Variants in MDH1B observed in about 807,000 individuals in gnomAD.
The protein encoded by MDH1B is malate dehydrogenase 1B, also known as putative malate dehydrogenase 1B.
MDH1B carries 60 observed loss-of-function variants against 61.4 expected under a neutral mutation model. That is an observed-to-expected ratio of 0.98 (90% confidence interval 0.79 to 1.21). The LOEUF is 1.21. Among genes scored for constraint, MDH1B ranks in the 50% most tolerant of loss-of-function variants. MDH1B has a pLI of 0.00. For synonymous variants in MDH1B, 236 were observed against 218.7 expected (o/e 1.08, Z -0.70); for missense variants, 587 against 632.1 (o/e 0.93, Z 0.76).
chr2:206,758,523 T>C (rs920678424), intron 2 of MDH1B, among the ~76,000 whole-genome samples: 3 of 152,072 alleles, frequency 2.0e-5, no homozygotes, highest in Non-Finnish European at 4.4e-5. Flanking sequence ...CCCAGCACTT[T>C]GGGAGGCCGA....
chr2:206,745,924 G>C (rs1688082350), intron 8 of MDH1B, among the ~76,000 whole-genome samples: 1 of 151,816 alleles, frequency 6.6e-6, no homozygotes, highest in Admixed American at 6.6e-5. Flanking sequence ...AATAGAGACA[G>C]GGTTTCTCCA....
intron 7 of MDH1B, among the ~76,000 whole-genome samples, chr2:206,748,027 G>C (rs1337241346): frequency 6.6e-6 from 1 of 152,196 alleles, no homozygotes; most frequent in South Asian, 2.1e-4. Flanking sequence ...GGGAAGAGAT[G>C]CTTCAGATAG....
rs370228240 is a variant in MDH1B, at chr2:206,738,469, T to C, written c.*14A>G. 388 of 1,553,742 alleles carry C rather than the reference T, an allele frequency of 2.5e-4. 1 individual carries two copies. The highest frequency in any genetic ancestry group is 3.2e-4 in the Non-Finnish European group (363 of 1,136,838). On this transcript the variant is annotated 3_prime_UTR_variant, in exon 12 of 12. Transcript: ENST00000374412. ...TGCTATCAAGTAATTATATATTTCATCCAATTTGATCTGTTAGGATTCCAC... is the reference window on the plus strand; with the variant it reads ...TGCTATCAAGTAATTATATATTTCACCCAATTTGATCTGTTAGGATTCCAC...
intron 1 of MDH1B, among the ~76,000 whole-genome samples, chr2:206,763,241 C>CTTTTTTT (rs58200375): frequency 7.1e-6 from 1 of 141,440 alleles, no homozygotes. Context: ...TACTCATCCG[C>CTTTTTTT]TTTTTTTTTT....
chr2:206,762,901 C>T (rs905684880), intron 1 of MDH1B, among the ~76,000 whole-genome samples: 3 of 152,210 alleles, frequency 2.0e-5, no homozygotes, highest in Admixed American at 1.3e-4. Context: ...TCCTTTCTAT[C>T]CTTTGTAGGT....
Position 206,751,000 on chromosome 2 carries a change from C to T in MDH1B, c.986G>A (p.Arg329Lys), listed in dbSNP as rs61744963. The change falls in exon 6 of 12, where the codon AGA becomes AAA. Residue 329 changes from arginine to lysine, a missense_variant. By Grantham distance (26) the Arg-to-Lys change is conservative (BLOSUM62 2). Coordinates refer to ENST00000374412, the MANE Select transcript of MDH1B (RefSeq NM_001039845.3). ...YVDLRKTRVY[R>K]YESAIWGPLH... Reference sequence around the variant, plus strand: ...AGGTCCCCAAATGGCACTCTCATATCTGTACACCCTTGTTTTTCTCAGATC... The same window carrying T: ...AGGTCCCCAAATGGCACTCTCATATTTGTACACCCTTGTTTTTCTCAGATC... 0.028 allele frequency: 44,897 copies of T among 1,611,096 alleles called. 813 individuals are homozygous for T. The highest frequency in any genetic ancestry group is 0.076 in the East Asian group (3,414 of 44,800).
chr2:206,745,444 T>C, intron 9 of MDH1B, 178 bp downstream of exon 9: 1 of 660,366 alleles, frequency 1.5e-6, no homozygotes, highest in Non-Finnish European at 2.8e-6. Context: ...TTCTTTAACA[T>C]TCTTATGAGA....
intron 8 of MDH1B, among the ~76,000 whole-genome samples, 175 bp downstream of exon 8, chr2:206,746,112 T>A (rs1162227306): frequency 2.0e-5 from 3 of 152,218 alleles, no homozygotes; most frequent in African/African-American, 7.2e-5. Flanking sequence ...AGAAATTGTA[T>A]AACTAAATGA....
At chr2:206,763,103 T>C (rs930223870) in intron 1 of MDH1B, among the ~76,000 whole-genome samples, 11 of 152,112 alleles carry the variant, frequency 7.2e-5, no homozygotes, top group African/African-American at 2.2e-4. Context: ...AAATGTCTCA[T>C]AGACACTCAG....
chr2:206,745,828 G>A (rs1029154707), intron 8 of MDH1B, among the ~76,000 whole-genome samples, 155 bp from the exon 9 acceptor site: 1 of 148,496 alleles, frequency 6.7e-6, no homozygotes, highest in African/African-American at 2.5e-5. Context: ...CTCCCTTCTT[G>A]GTTCAAGCGA....
chr2:206,747,165 AAAC>A (rs541464892), intron 7 of MDH1B, among the ~76,000 whole-genome samples: 7 of 149,044 alleles, frequency 4.7e-5, no homozygotes, highest in Admixed American at 2.0e-4. Flanking sequence ...GCAAAAAAAC[AAAC>A]AACAACAACA....
In MDH1B at chr2:206,751,001, T is replaced by C. The variant is rs2105933711; in HGVS notation, c.985A>G (p.Arg329Gly). Residue 329 changes from arginine (R) to glycine (G), a missense_variant, in exon 6 of 12, where the codon AGA becomes GGA. Transcript: ENST00000374412. ...YVDLRKTRVY[R>G]YESAIWGPLH... ...GGTCCCCAAATGGCACTCTCATATC[T>C]GTACACCCTTGTTTTTCTCAGATCA... The C allele has an allele frequency of 1.2e-6, 2 of 1,611,434 alleles. No individual in the cohort carries two copies. Among genetic ancestry groups the C allele is most frequent in the East Asian group, 4.5e-5 (2 of 44,824 alleles).
At chr2:206,744,565 G>A (rs1404839508) in intron 9 of MDH1B, among the ~76,000 whole-genome samples, 1 of 152,088 alleles carries the variant, frequency 6.6e-6, no homozygotes, top group Non-Finnish European at 1.5e-5. Context: ...CTTGAAATTT[G>A]TTGGCTTTTA....
At chr2:206,754,674 T>C (rs992607454) in intron 5 of MDH1B, among the ~76,000 whole-genome samples, 5 of 152,156 alleles carry the variant, frequency 3.3e-5, no homozygotes, top group East Asian at 1.9e-4. Flanking sequence ...CACTTGCACA[T>C]AGTTTTGATT....
At chr2:206,740,952 C>G in intron 10 of MDH1B, 102 bp downstream of exon 10, 1 of 1,491,024 alleles carries the variant, frequency 6.7e-7, no homozygotes, top group Non-Finnish European at 9.1e-7. Context: ...TTATTTAAAA[C>G]TTGCTTTGGT....
In MDH1B at chr2:206,765,325, A is replaced by G. The variant is rs1689388598; in HGVS notation, c.-54T>C. 1.3e-6 allele frequency: 2 copies of G among 1,569,512 alleles called. No individual in the cohort carries two copies. The highest frequency in any genetic ancestry group is 2.0e-5 in the Admixed American group (1 of 49,454). ...GCGGCTTCGCGGTTTCCTGGCAACC[A>G]CGCAGCCAAGGGCAAGGCGCAGGCG... is the stretch of plus-strand genomic sequence containing the variant. On this transcript the variant is annotated 5_prime_UTR_variant, in exon 1 of 12. Coordinates refer to ENST00000374412, the MANE Select transcript of MDH1B (RefSeq NM_001039845.3).
At chr2:206,764,173 C>T (rs1197567508) in intron 1 of MDH1B, among the ~76,000 whole-genome samples, 2 of 152,018 alleles carry the variant, frequency 1.3e-5, no homozygotes, top group Non-Finnish European at 2.9e-5. Flanking sequence ...TGGTGTATGC[C>T]TGTAGTCCCA....
At chr2:206,757,443 C>G in intron 2 of MDH1B, 72 bp from the exon 3 acceptor site, 1 of 1,492,036 alleles carries the variant, frequency 6.7e-7, no homozygotes, top group Non-Finnish European at 9.1e-7. Context: ...CTTTAGAATT[C>G]AAACATTAAA....
intron 4 of MDH1B, among the ~76,000 whole-genome samples, chr2:206,756,088 C>T (rs2105944457): frequency 6.6e-6 from 1 of 152,156 alleles, no homozygotes; most frequent in Non-Finnish European, 1.5e-5. Context: ...ATGGGAAGTT[C>T]AGAAATGCAT....
Sources: allele counts gnomAD v4.1 joint callset (sites outside exome capture counted in the v4.1 genomes callset), GRCh38; gene constraint gnomAD v4.1.1; transcripts MANE v1.5; gene names NCBI Gene and HGNC (gene_info 2026-07-23, HGNC 2026-07-21).